RBM12: variants seen among roughly 807,000 people sequenced by gnomAD.
The protein encoded by RBM12 is RNA-binding protein 12.
In RBM12, 24 loss-of-function variants were observed where a neutral mutation model predicts 37.2. That is an observed-to-expected ratio of 0.65 (90% CI 0.47 to 0.91). The LOEUF (loss-of-function observed/expected upper bound fraction) is 0.91. Among genes scored for constraint, RBM12 ranks in the 40% least tolerant of loss-of-function variants. The pLI is 0.00. For synonymous variants in RBM12, 420 were observed against 425.2 expected (o/e 0.99, Z 0.15); for missense variants, 1,061 against 1,183.2 (o/e 0.90, Z 1.52).
chr20:35,653,710 T>A lies in RBM12; in HGVS notation c.1613A>T (p.Asp538Val). The A allele has an allele frequency of 6.2e-7, 1 of 1,614,178 alleles. No individual in the cohort carries two copies. Among genetic ancestry groups the A allele is most frequent in the Non-Finnish European group, 8.5e-7 (1 of 1,180,030 alleles). ...QREMILNPEG[D>V]VNSAKVCAHI... ...GGCACAGACTTTGGCAGAGTTGACA[T>A]CCCCCTCTGGATTTAGTATCATTTC... is the stretch of plus-strand genomic sequence containing the variant. Residue 538 changes from aspartate to valine, a missense_variant, in exon 3 of 3, where the codon GAT (aspartate) becomes GTT (valine). This residue lies in a region of RBM12 where 517 missense variants were observed against 534.0 expected (regional missense o/e 0.97). Coordinates refer to ENST00000374114, the MANE Select transcript of RBM12 (RefSeq NM_006047.6).
chr20:35,658,912 C>A lies in RBM12; in HGVS notation c.-23+18G>T. The A allele has an allele frequency of 1.4e-6, 1 of 712,418 alleles. No homozygotes were observed. The highest frequency in any genetic ancestry group is 2.1e-5 in the Admixed American group (1 of 48,634). The allele number at this position is 712,418 out of a possible 1,614,324, so 44.1% of individuals were successfully genotyped here. A position where few individuals can be genotyped will look rare whatever the true frequency, so the allele number is the denominator to read the frequency against. ...TTTATTTTGTATAAAAACGAACTCTCTATTCAAAATCTCTTACCTGATAAA... is the reference window on the plus strand; with the variant it reads ...TTTATTTTGTATAAAAACGAACTCTATATTCAAAATCTCTTACCTGATAAA... On this transcript the variant is annotated intron_variant, in intron 2 of 2. Coordinates refer to ENST00000374114, the MANE Select transcript of RBM12 (RefSeq NM_006047.6).
intron 1 of RBM12, among the ~76,000 whole-genome samples, chr20:35,663,073 A>C (rs2034324714): frequency 6.6e-6 from 1 of 152,214 alleles, no homozygotes. Context: ...AAACACGCCA[A>C]ACATTTCACT....
chr20:35,651,183 T>C lies in RBM12; in HGVS notation c.*1341A>G, dbSNP rs2033487751. 6.6e-6 allele frequency: 1 copy of C among 152,212 alleles called. No homozygotes were observed. The highest frequency in any genetic ancestry group is 1.9e-4 in the East Asian group (1 of 5,198). 9.4% of individuals were successfully genotyped at this position (152,212 alleles called of 1,614,324 possible). On this transcript the variant is annotated 3_prime_UTR_variant, in exon 3 of 3. Coordinates refer to ENST00000374114, the MANE Select transcript of RBM12 (RefSeq NM_006047.6). ...CTTCCGTATTGTTTATAATATAATGTGACACATCTTCAGAGCACTGACTAG... is the reference window on the plus strand; with the variant it reads ...CTTCCGTATTGTTTATAATATAATGCGACACATCTTCAGAGCACTGACTAG...
Position 35,652,056 on chromosome 20 carries a change from A to C in RBM12, c.*468T>G, listed in dbSNP as rs1333601486. On this transcript the variant is annotated 3_prime_UTR_variant, in exon 3 of 3. Transcript: ENST00000374114. ...CAGAAATTTTATTCAATTTTAAAAG[A>C]AAATGAGGACTTTAGACAAAGCTTT... 3 of 153,672 alleles carry C rather than the reference A, an allele frequency of 2.0e-5. No homozygotes were observed. The highest frequency in any genetic ancestry group is 2.9e-5 in the Non-Finnish European group (2 of 68,842). 9.5% of individuals were successfully genotyped at this position (153,672 alleles called of 1,614,324 possible).
rs920162229 is a variant in RBM12 at position 35,649,145 on chromosome 20, G to C, written c.*3379C>G. On this transcript the variant is annotated 3_prime_UTR_variant, in exon 3 of 3. Transcript: ENST00000374114. ...CTGCCAGTAAAACAATTTAAATGTG[G>C]CAATTTTGCAAGGGTGGAAAATAAT... 4 of 152,368 alleles carry C rather than the reference G, an allele frequency of 2.6e-5. No homozygotes were observed. The highest frequency in any genetic ancestry group is 9.7e-5 in the African/African-American group (4 of 41,432). 9.4% of individuals were successfully genotyped at this position (152,368 alleles called of 1,614,324 possible). A position where few individuals can be genotyped will look rare whatever the true frequency, so the allele number is the denominator to read the frequency against.
intron 1 of RBM12, among the ~76,000 whole-genome samples, chr20:35,663,794 C>T (rs1015445729): frequency 1.3e-5 from 2 of 152,220 alleles, no homozygotes; most frequent in South Asian, 2.1e-4. Context: ...GCACTGGCGT[C>T]CAACCCCGTC....
intron 1 of RBM12, among the ~76,000 whole-genome samples, chr20:35,662,401 G>A (rs2034281546): frequency 6.6e-6 from 1 of 152,176 alleles, no homozygotes; most frequent in African/African-American, 2.4e-5. Context: ...GGGTGTGGTA[G>A]TAAAATCTGA....
chr20:35,659,077 CCA>C (rs1402243567), intron 1 of RBM12, 63 bp from the exon 2 acceptor site: 2 of 683,238 alleles, frequency 2.9e-6, no homozygotes, highest in Non-Finnish European at 5.4e-6. Flanking sequence ...CACGCACAGG[CCA>C]CACTGTACAT....
chr20:35,660,200 C>T (rs547380524), intron 1 of RBM12, among the ~76,000 whole-genome samples: 2 of 152,074 alleles, frequency 1.3e-5, no homozygotes, highest in Admixed American at 1.3e-4. Flanking sequence ...GAAATCTAGC[C>T]TCTTTTTTTT....
intron 2 of RBM12, 94 bp downstream of exon 2, chr20:35,658,835 AC>A (rs1568943439): frequency 1.2e-4 from 77 of 655,980 alleles, no homozygotes; most frequent in South Asian, 2.4e-4. Context: ...ACACACACAC[AC>A]ACAATATAGT....
intron 1 of RBM12, among the ~76,000 whole-genome samples, chr20:35,660,987 G>A (rs2034202939): frequency 6.6e-6 from 1 of 152,138 alleles, no homozygotes; most frequent in East Asian, 1.9e-4. Context: ...ATTCCACAAG[G>A]CAAGGCTGAA....
In RBM12 at chr20:35,658,966, T is replaced by C. The variant is rs983223162; in HGVS notation, c.-59A>G. The C allele has an allele frequency of 5.6e-6, 4 of 717,060 alleles. No homozygotes were observed. The highest frequency in any genetic ancestry group is 7.8e-6 in the Non-Finnish European group (3 of 385,060). 44.4% of individuals were successfully genotyped at this position (717,060 alleles called of 1,614,324 possible). A position where few individuals can be genotyped will look rare whatever the true frequency, so the allele number is the denominator to read the frequency against. ...AGAGATGAATTTCCTTAACAAGAAGTAGAGGCCAAGTCAATCCTGTGGGCA... is the reference window on the plus strand; with the variant it reads ...AGAGATGAATTTCCTTAACAAGAAGCAGAGGCCAAGTCAATCCTGTGGGCA... On this transcript the variant is annotated 5_prime_UTR_variant, in exon 2 of 3. Coordinates refer to ENST00000374114, the MANE Select transcript of RBM12 (RefSeq NM_006047.6).
At chr20:35,663,258 T>C (rs866316067) in intron 1 of RBM12, among the ~76,000 whole-genome samples, 1 of 152,202 alleles carries the variant, frequency 6.6e-6, no homozygotes, top group Non-Finnish European at 1.5e-5. Flanking sequence ...AGTTCTATAA[T>C]TTAAAAAACA....
At chr20:35,658,217 A>G (rs2146366544) in intron 2 of RBM12, among the ~76,000 whole-genome samples, 1 of 152,330 alleles carries the variant, frequency 6.6e-6, no homozygotes, top group South Asian at 2.1e-4. Context: ...GGTTCCATTT[A>G]AAGTCTAAAA....
At chr20:35,661,278 A>G (rs781362557) in intron 1 of RBM12, among the ~76,000 whole-genome samples, 135 of 152,348 alleles carry the variant, frequency 8.9e-4, no homozygotes, top group South Asian at 2.1e-3. Flanking sequence ...AGAATTTAAC[A>G]TAAGTGTCAC....
chr20:35,654,912 G>A lies in RBM12; in HGVS notation c.411C>T (p.Thr137=), dbSNP rs778235130. ...TTTTGTTGCTTTCATGAACAGAAGT[G>A]GTGGCAGTAACTACACTGGGTGATG... The part of the protein sequence containing the change: ...NNPSPSVVTA[T]TSVHESNKNI... The change falls in exon 3 of 3, where the codon ACC becomes ACT. Residue 137 remains threonine (T), a synonymous_variant. Coordinates refer to ENST00000374114, the MANE Select transcript of RBM12 (RefSeq NM_006047.6). 6.2e-7 allele frequency: 1 copy of A among 1,614,100 alleles called. No individual in the cohort carries two copies. The highest frequency in any genetic ancestry group is 1.7e-5 in the Admixed American group (1 of 60,022).
At chr20:35,655,463 G>T in intron 2 of RBM12, 119 bp from the exon 3 acceptor site, 1 of 815,804 alleles carries the variant, frequency 1.2e-6, no homozygotes, top group Non-Finnish European at 1.9e-6. Flanking sequence ...GCTATCACAG[G>T]CAATGTCTTT....
At position 35,655,147 on chromosome 20, in the gene RBM12, C is replaced by A. The variant is rs750472475; in HGVS notation, c.176G>T (p.Arg59Leu). 3.3e-5 allele frequency: 53 copies of A among 1,614,020 alleles called. No homozygotes were observed. The highest frequency in any genetic ancestry group is 5.3e-5 in the African/African-American group (4 of 74,898). The change falls in exon 3 of 3, where the codon CGC (arginine) becomes CTC (leucine). Residue 59 changes from arginine (R) to leucine (L), a missense_variant. Arg to Leu is a moderately radical substitution (Grantham distance 102, BLOSUM62 -2). Transcript: ENST00000374114. The stretch of plus-strand genomic sequence containing the variant: ...TGACCCTTTAATTGTACCACCTGTG[C>A]GCATCATACCAAGCCTTGCATCTTC... ...TDEDARLGMMRTGGTIKGSKV... is the reference protein window; with the variant it reads ...TDEDARLGMMLTGGTIKGSKV...
chr20:35,658,834 C>G, intron 2 of RBM12, 96 bp downstream of exon 2: 2 of 644,252 alleles, frequency 3.1e-6, no homozygotes, highest in Non-Finnish European at 5.7e-6. Context: ...CACACACACA[C>G]ACACAATATA....
Sources: gnomAD v4.1 joint callset for allele counts (sites outside exome capture counted in the v4.1 genomes callset) on GRCh38, gnomAD v4.1.1 for gene constraint, gnomAD v4.1.1 regional missense constraint, MANE v1.5 for transcripts, NCBI Gene and HGNC (gene_info 2026-07-23, HGNC 2026-07-21) for gene names.